The following PLEKHA7 variants were observed in gnomAD, a reference collection of about 807,000 sequenced individuals.
The protein encoded by PLEKHA7 is pleckstrin homology domain containing A7, also known as pleckstrin homology domain-containing family A member 7.
Under a neutral mutation model 170.0 loss-of-function variants are expected in PLEKHA7, and 104 were observed. That is an observed-to-expected ratio of 0.61 (90% CI 0.52 to 0.72). PLEKHA7 has a LOEUF of 0.72. PLEKHA7 is among the 30% of genes least tolerant of loss of function. PLEKHA7 has a pLI of 0.00. For missense variants in PLEKHA7, 1,615 were observed against 1,671.7 expected (o/e 0.97, Z 0.59); for synonymous variants, 648 against 660.8 (o/e 0.98, Z 0.30).
chr11:16,885,288 C>T (rs534522174), intron 3 of PLEKHA7, among the ~76,000 whole-genome samples: 15 of 151,512 alleles, frequency 9.9e-5, no homozygotes, highest in African/African-American at 3.6e-4. Flanking sequence ...CAAGATCAAG[C>T]CACTGCACTC....
chr11:16,960,021 C>G (rs376612779), intron 3 of PLEKHA7, among the ~76,000 whole-genome samples: 2 of 152,304 alleles, frequency 1.3e-5, no homozygotes, highest in African/African-American at 4.8e-5. Context: ...GCAGGTCCTG[C>G]CCCCCAACCT....
At chr11:16,932,455 A>C (rs964326713) in intron 3 of PLEKHA7, among the ~76,000 whole-genome samples, 6 of 151,700 alleles carry the variant, frequency 4.0e-5, no homozygotes, top group Admixed American at 3.9e-4. Context: ...CTAATTTTTC[A>C]ATTTTTTTTG....
At chr11:16,968,552 G>A (rs1862515502) in intron 3 of PLEKHA7, among the ~76,000 whole-genome samples, 1 of 152,196 alleles carries the variant, frequency 6.6e-6, no homozygotes, top group South Asian at 2.1e-4. Context: ...TGCCACATCA[G>A]ATTAATGCAA....
At chr11:16,816,526 G>A (rs1158141964) in intron 11 of PLEKHA7, among the ~76,000 whole-genome samples, 2 of 152,184 alleles carry the variant, frequency 1.3e-5, no homozygotes, top group African/African-American at 4.8e-5. Context: ...CTGACTTGTA[G>A]TTGTGTGACC....
At chr11:16,825,957 AG>A (rs141320913) in intron 10 of PLEKHA7, among the ~76,000 whole-genome samples, 162 bp downstream of exon 10, 3,481 of 152,334 alleles carry the variant, frequency 0.023, 52 homozygotes, top group Non-Finnish European at 0.035. Flanking sequence ...TCTATAAGTT[AG>A]GAATATCACC....
At chr11:17,007,640 C>T (rs1019898542) in intron 3 of PLEKHA7, among the ~76,000 whole-genome samples, 8 of 147,526 alleles carry the variant, frequency 5.4e-5, no homozygotes, top group South Asian at 2.1e-4. Context: ...GTGGCGTGAG[C>T]TCAGTTCACG....
At chr11:16,918,193 A>T (rs1481247234) in intron 3 of PLEKHA7, among the ~76,000 whole-genome samples, 3 of 152,228 alleles carry the variant, frequency 2.0e-5, no homozygotes, top group Non-Finnish European at 4.4e-5. Flanking sequence ...GAAGCAGGAT[A>T]AGGGTTCTGT....
rs1382086320 is a variant in PLEKHA7 at position 17,014,405 on chromosome 11, C to G, written c.-4G>C. On this transcript the variant is annotated 5_prime_UTR_variant, in exon 1 of 27. Coordinates refer to ENST00000531066, the MANE Select transcript of PLEKHA7 (RefSeq NM_001329630.2). ...GCCCGACCGTCGCCGCCGCCATGTT[C>G]GCCGAGCGCGGAGCCGCCGCGGGGT... is the stretch of plus-strand genomic sequence containing the variant. 1 of 1,329,428 alleles carries G rather than the reference C, an allele frequency of 7.5e-7. No homozygotes were observed. The highest frequency in any genetic ancestry group is 3.0e-5 in the Admixed American group (1 of 33,332). The allele number at this position is 1,329,428 out of a possible 1,614,324, so 82.4% of individuals were successfully genotyped here.
chr11:17,014,352 T>C lies in PLEKHA7; in HGVS notation c.50A>G (p.Tyr17Cys). The C allele has an allele frequency of 6.9e-7, 1 of 1,444,542 alleles. No homozygotes were observed. Among genetic ancestry groups the C allele is most frequent in the Non-Finnish European group, 9.1e-7 (1 of 1,093,638 alleles). 89.5% of individuals were successfully genotyped at this position (1,444,542 alleles called of 1,614,324 possible). Residue 17 changes from tyrosine (Y) to cysteine (C), a missense_variant, in exon 1 of 27, where the codon TAC becomes TGC. Tyr to Cys is a radical substitution (Grantham distance 194, BLOSUM62 -2). Coordinates refer to ENST00000531066, the MANE Select transcript of PLEKHA7 (RefSeq NM_001329630.2). ...GACGCGGCCATCCCGGCACACCCCG[T>C]AGGACCAATGCTCAGGTAAAGTGTC... Reference protein sequence around the residue: ...GRDTLPEHWSYGVCRDGRVFF... With the variant: ...GRDTLPEHWSCGVCRDGRVFF...
chr11:16,933,519 G>C (rs1217507451), intron 3 of PLEKHA7, among the ~76,000 whole-genome samples: 1 of 152,156 alleles, frequency 6.6e-6, no homozygotes, highest in Non-Finnish European at 1.5e-5. Flanking sequence ...CTGGAGAGAA[G>C]GAAAGAGAAA....
At chr11:16,829,645 G>A (rs1293908795) in intron 9 of PLEKHA7, among the ~76,000 whole-genome samples, 1 of 152,104 alleles carries the variant, frequency 6.6e-6, no homozygotes, top group African/African-American at 2.4e-5. Context: ...GCATGGTGGT[G>A]TGCACCTGTA....
At chr11:16,984,474 C>T (rs1863612147) in intron 3 of PLEKHA7, among the ~76,000 whole-genome samples, 1 of 152,174 alleles carries the variant, frequency 6.6e-6, no homozygotes, top group Non-Finnish European at 1.5e-5. Context: ...CCAGTCTCAA[C>T]TCCTACTCCC....
At chr11:17,001,603 C>G (rs529839764) in intron 3 of PLEKHA7, among the ~76,000 whole-genome samples, 46 of 152,298 alleles carry the variant, frequency 3.0e-4, no homozygotes, top group African/African-American at 1.1e-3. Context: ...CCCTCCATCC[C>G]CCAAGCATGC....
At chr11:16,913,101 T>G (rs1007931850) in intron 3 of PLEKHA7, among the ~76,000 whole-genome samples, 1 of 152,128 alleles carries the variant, frequency 6.6e-6, no homozygotes, top group African/African-American at 2.4e-5. Flanking sequence ...GACCTTTCCC[T>G]CCCACAATGA....
intron 3 of PLEKHA7, among the ~76,000 whole-genome samples, chr11:16,940,316 T>C (rs2136401059): frequency 6.7e-6 from 1 of 148,656 alleles, no homozygotes; most frequent in African/African-American, 2.5e-5. Context: ...AGACAGAGTC[T>C]TGCTCTGTCA....
chr11:16,808,701 C>T (rs539651213), intron 13 of PLEKHA7, among the ~76,000 whole-genome samples: 6 of 152,174 alleles, frequency 3.9e-5, no homozygotes, highest in African/African-American at 1.4e-4. Context: ...AGCAGGTACC[C>T]TCATCTTCCT....
At chr11:16,948,291 T>C (rs1247838975) in intron 3 of PLEKHA7, among the ~76,000 whole-genome samples, 1 of 152,204 alleles carries the variant, frequency 6.6e-6, no homozygotes. Context: ...CAATATATCG[T>C]ATACTCAAAA....
In PLEKHA7 at chr11:16,917,176, G is replaced by A. The variant is rs138481501; in HGVS notation, c.222-45994C>T. ...GGAATTTGCAGTGAGCCAAATTCACGCCACTGCCCTCCAGCCTGGGTGACA... is the reference window on the plus strand; with the variant it reads ...GGAATTTGCAGTGAGCCAAATTCACACCACTGCCCTCCAGCCTGGGTGACA... On this transcript the variant is annotated intron_variant, in intron 3 of 26. Transcript: ENST00000531066. Among the ~76,000 whole-genome samples the A allele has an allele frequency of 7.1e-3, 1,076 of 152,154 alleles. 17 individuals carry two copies. Among genetic ancestry groups the A allele is most frequent in the African/African-American group, 0.024 (1,012 of 41,514 alleles).
intron 3 of PLEKHA7, among the ~76,000 whole-genome samples, chr11:16,955,532 T>C (rs1565152432): frequency 6.6e-6 from 1 of 152,234 alleles, no homozygotes; most frequent in Non-Finnish European, 1.5e-5. Flanking sequence ...AGTTAGGTGT[T>C]TGCGTTAATC....
Sources: allele counts gnomAD v4.1 joint callset (sites outside exome capture counted in the v4.1 genomes callset), GRCh38; gene constraint gnomAD v4.1.1; transcripts MANE v1.5; gene names NCBI Gene and HGNC (gene_info 2026-07-23, HGNC 2026-07-21).